Variants in FHOD3 observed in about 807,000 individuals in gnomAD.
The protein encoded by FHOD3 is formin homology 2 domain containing 3.
A neutral mutation model predicts 173.0 loss-of-function variants in FHOD3; 90 were observed. The observed-to-expected ratio is 0.52, with a 90% CI of 0.44 to 0.62. FHOD3 has a LOEUF of 0.62. Ranked by LOEUF, FHOD3 falls within the 20% of genes least tolerant of loss-of-function variation. The probability of loss-of-function intolerance (pLI) is 0.00; values close to 1 mark genes in which losing one functional copy is unlikely to be tolerated. For synonymous variants in FHOD3, 828 were observed against 823.0 expected, an observed-to-expected ratio of 1.01 and a Z score of -0.10; for missense variants, 1,945 against 2,034.7, an observed-to-expected ratio of 0.96 and a Z score of 0.85.
chr18:36,363,836 G>T (rs1489084747), intron 2 of FHOD3, among the ~76,000 whole-genome samples: 1 of 133,388 alleles, frequency 7.5e-6, no homozygotes, highest in East Asian at 2.6e-4. Context: ...TTAATCTGTT[G>T]TAACAGATTA....
chr18:36,510,709 G>T (rs73423279), intron 4 of FHOD3, among the ~76,000 whole-genome samples: 5,524 of 152,242 alleles, frequency 0.036, 317 homozygotes, highest in African/African-American at 0.13. Context: ...AGGATATGGA[G>T]GGAGAGAGAA....
At chr18:36,672,387 G>A (rs548472036) in intron 14 of FHOD3, among the ~76,000 whole-genome samples, 45 of 152,226 alleles carry the variant, frequency 3.0e-4, no homozygotes, top group Admixed American at 3.9e-4. Context: ...GGTCTGAGCC[G>A]GGTTAACTTG....
chr18:36,612,096 G>GT lies in FHOD3; in HGVS notation c.957+2dup. On this transcript the variant is annotated splice_donor_variant, in intron 9 of 28. Coordinates refer to ENST00000590592, the MANE Select transcript of FHOD3 (RefSeq NM_001281740.3). LOFTEE classifies it high-confidence loss of function. ...AGTGGAGCAACTCAACATTTATGAG[G>GT]TACCAGACCATGCCTTTTGTAAGGT... The GT allele has an allele frequency of 6.2e-7, 1 of 1,612,328 alleles. No individual in the cohort carries two copies. The highest frequency in any genetic ancestry group is 8.5e-7 in the Non-Finnish European group (1 of 1,179,464).
At chr18:36,422,757 A>C (rs936095110) in intron 3 of FHOD3, among the ~76,000 whole-genome samples, 3 of 152,230 alleles carry the variant, frequency 2.0e-5, no homozygotes, top group Non-Finnish European at 2.9e-5. Flanking sequence ...GAAAACGTTA[A>C]TTAGCGTCCT....
chr18:36,381,515 G>A (rs574261502), intron 3 of FHOD3, among the ~76,000 whole-genome samples: 9 of 152,326 alleles, frequency 5.9e-5, no homozygotes, highest in African/African-American at 1.9e-4. Flanking sequence ...AGCTGCCCGA[G>A]AGGAGGATGA....
chr18:36,488,042 C>T (rs546048043), intron 3 of FHOD3, among the ~76,000 whole-genome samples: 50 of 152,314 alleles, frequency 3.3e-4, no homozygotes, highest in Non-Finnish European at 5.9e-4. Flanking sequence ...TGAATAAACT[C>T]CCATCAAAAC....
At chr18:36,330,983 C>T (rs1310572055) in intron 1 of FHOD3, among the ~76,000 whole-genome samples, 1 of 152,180 alleles carries the variant, frequency 6.6e-6, no homozygotes, top group Non-Finnish European at 1.5e-5. Context: ...ACATTCCTTG[C>T]TGCTCCCCAG....
chr18:36,352,251 A>G (rs1182812745), intron 1 of FHOD3, among the ~76,000 whole-genome samples: 1 of 152,202 alleles, frequency 6.6e-6, no homozygotes, highest in African/African-American at 2.4e-5. Context: ...TGCTACAAAA[A>G]AATAGTAATA....
chr18:36,664,191 C>T (rs1275454712), intron 14 of FHOD3, among the ~76,000 whole-genome samples: 1 of 152,150 alleles, frequency 6.6e-6, no homozygotes, highest in Non-Finnish European at 1.5e-5. Context: ...AAACAAACTT[C>T]TCTGAGAAAA....
intron 1 of FHOD3, among the ~76,000 whole-genome samples, chr18:36,346,299 A>G (rs1454322504): frequency 7.2e-5 from 11 of 152,102 alleles, no homozygotes; most frequent in Non-Finnish European, 1.0e-4. Flanking sequence ...CTGGGAGGTC[A>G]AGGATGTGGT....
Position 36,693,361 on chromosome 18 carries a change from C to T in FHOD3, c.2174C>T (p.Ser725Leu). 6.2e-7 allele frequency: 1 copy of T among 1,613,972 alleles called. No individual in the cohort carries two copies. The highest frequency in any genetic ancestry group is 8.5e-7 in the Non-Finnish European group (1 of 1,179,894). The change falls in exon 17 of 29, where the codon TCA (serine) becomes TTA (leucine). Residue 725 changes from serine (S) to leucine (L), a missense_variant. Transcript: ENST00000590592. ...LAPLSHSPSSSDSQEALTVSA... is the reference protein window; with the variant it reads ...LAPLSHSPSSLDSQEALTVSA... ...CCTCTGAGCCATAGCCCCTCATCTT[C>T]AGACTCTCAAGAGGCTCTCACGGTG...
chr18:36,517,686 A>G (rs2056065794), intron 5 of FHOD3, among the ~76,000 whole-genome samples: 1 of 152,258 alleles, frequency 6.6e-6, no homozygotes, highest in Admixed American at 6.5e-5. Flanking sequence ...GCTGGATAAG[A>G]TCTTAAAACG....
chr18:36,631,877 A>G (rs1471394540), intron 10 of FHOD3, among the ~76,000 whole-genome samples: 1 of 152,250 alleles, frequency 6.6e-6, no homozygotes, highest in Non-Finnish European at 1.5e-5. Context: ...TATTGGATCT[A>G]TATTTTTCAT....
At chr18:36,716,952 G>A (rs1216046177) in intron 18 of FHOD3, among the ~76,000 whole-genome samples, 1 of 148,348 alleles carries the variant, frequency 6.7e-6, no homozygotes, top group Admixed American at 6.7e-5. Flanking sequence ...GTGTGTGTGT[G>A]TATGTGTTAA....
chr18:36,357,113 A>G (rs16967791), intron 2 of FHOD3, among the ~76,000 whole-genome samples: 8,758 of 152,246 alleles, frequency 0.058, 806 homozygotes, highest in African/African-American at 0.19. Context: ...TCCACTGAAT[A>G]CTATCTGGGA....
At chr18:36,406,191 C>T (rs1598992544) in intron 3 of FHOD3, among the ~76,000 whole-genome samples, 2 of 151,926 alleles carry the variant, frequency 1.3e-5, no homozygotes, top group African/African-American at 2.4e-5. Context: ...ATGGAATGCT[C>T]ATCATGCTGG....
Position 36,393,973 on chromosome 18 carries a change from G to T in FHOD3, c.337+21229G>T, listed in dbSNP as rs577811173. On this transcript the variant is annotated intron_variant, in intron 3 of 28. Transcript: ENST00000590592. ...GAGTGGCTTGATTAAAACTTAGAAG[G>T]GTTTATTTAAATAACAAGAAGGGGC... Among the ~76,000 whole-genome samples the T allele has an allele frequency of 6.9e-4, 105 of 152,160 alleles. 1 individual carries two copies. Among genetic ancestry groups the T allele is most frequent in the African/African-American group, 2.4e-3 (100 of 41,524 alleles).
chr18:36,619,993 C>A (rs929181786), intron 9 of FHOD3, among the ~76,000 whole-genome samples: 3 of 152,144 alleles, frequency 2.0e-5, no homozygotes, highest in Non-Finnish European at 2.9e-5. Flanking sequence ...ACATTGAGAT[C>A]CCATGAGGGC....
intron 5 of FHOD3, among the ~76,000 whole-genome samples, chr18:36,536,926 G>GA (rs2057018408): frequency 6.6e-6 from 1 of 152,186 alleles, no homozygotes; most frequent in Non-Finnish European, 1.5e-5. Flanking sequence ...AAGAAGGAAA[G>GA]AAAAACAAAG....
Sources: allele counts gnomAD v4.1 joint callset (sites outside exome capture counted in the v4.1 genomes callset), GRCh38; gene constraint gnomAD v4.1.1; transcripts MANE v1.5; gene names NCBI Gene and HGNC (gene_info 2026-07-23, HGNC 2026-07-21).